Variants in PCF11 observed in about 807,000 individuals in gnomAD.
The protein encoded by PCF11 is pre-mRNA cleavage complex 2 protein Pcf11.
PCF11 carries 19 observed loss-of-function variants against 166.1 expected under a neutral mutation model. The observed-to-expected ratio is 0.11, with a 90% CI of 0.08 to 0.17. The LOEUF (loss-of-function observed/expected upper bound fraction) is 0.17, where lower values mean the gene tolerates loss of function less well. Among genes scored for constraint, PCF11 ranks in the 10% least tolerant of loss-of-function variants. The pLI, the probability that PCF11 is intolerant of heterozygous loss-of-function variation, is 1.00. For synonymous variants in PCF11, 663 were observed against 644.1 expected, an observed-to-expected ratio of 1.03 and a Z score of -0.44; for missense variants, 1,565 against 1,855.5, an observed-to-expected ratio of 0.84 and a Z score of 2.88.
At chr11:83,161,201 G>C (rs1029377291) in intron 1 of PCF11, 126 bp from the exon 2 acceptor site, 23 of 694,950 alleles carry the variant, frequency 3.3e-5, no homozygotes, top group Non-Finnish European at 4.8e-5. Context: ...GTTTCATAAA[G>C]ATTACTTCAA....
At chr11:83,157,804 T>TG (rs1161983281) in intron 1 of PCF11, 173 bp downstream of exon 1, 25 of 623,682 alleles carry the variant, frequency 4.0e-5, no homozygotes, top group African/African-American at 9.2e-5. Context: ...CATGGGCCTC[T>TG]GGGGGGGAGG....
chr11:83,175,536 G>A (rs1429061348), intron 9 of PCF11, among the ~76,000 whole-genome samples: 1 of 152,132 alleles, frequency 6.6e-6, no homozygotes, highest in Non-Finnish European at 1.5e-5. Flanking sequence ...GCAGATCATG[G>A]AGTCAGGAGA....
intron 9 of PCF11, among the ~76,000 whole-genome samples, chr11:83,176,801 C>T (rs1860899658): frequency 1.3e-5 from 2 of 150,554 alleles, no homozygotes; most frequent in Non-Finnish European, 3.0e-5. Flanking sequence ...CAAACCTGCA[C>T]GTTGTGCACA....
At chr11:83,164,743 A>G (rs1220405676) in intron 4 of PCF11, among the ~76,000 whole-genome samples, 1 of 151,642 alleles carries the variant, frequency 6.6e-6, no homozygotes, top group South Asian at 2.1e-4. Flanking sequence ...CAGGTGGGGT[A>G]GTGCATCCTT....
intron 9 of PCF11, among the ~76,000 whole-genome samples, chr11:83,172,329 G>A (rs1860717088): frequency 6.6e-6 from 1 of 152,170 alleles, no homozygotes; most frequent in South Asian, 2.1e-4. Context: ...GCAAAAAGCG[G>A]CTTTCCTAGC....
exon 5 of PCF11, chr11:83,166,315 G>A (rs1236830150): frequency 6.2e-7 from 1 of 1,613,692 alleles, no homozygotes; most frequent in Admixed American, 1.7e-5. Context: ...AAACCAGGGA[G>A]ATCGAGTACT....
In PCF11 at chr11:83,167,926, T is replaced by C; in HGVS notation, c.2092+421T>C. On this transcript the variant is annotated intron_variant, in intron 7 of 15. Transcript: ENST00000298281. The surrounding 1 kb of genome is among the most constrained non-coding windows in gnomAD (Gnocchi z 4.2). ...AGAAAAAGTTAAATCAGATTATGCC[T>C]ATTGAATCACACAGCAGTGAAGGGA... 7.8e-7 allele frequency: 1 copy of C among 1,276,562 alleles called. No individual in the cohort carries two copies. Among genetic ancestry groups the C allele is most frequent in the East Asian group, 5.5e-5 (1 of 18,218 alleles). The allele number at this position is 1,276,562 out of a possible 1,614,324, so 79.1% of individuals were successfully genotyped here. A position where few individuals can be genotyped will look rare whatever the true frequency, so the allele number is the denominator to read the frequency against.
chr11:83,169,022 G>A, exon 8 of PCF11: 1 of 1,613,788 alleles, frequency 6.2e-7, no homozygotes, highest in Non-Finnish European at 8.5e-7. Context: ...GGACCTCATG[G>A]TCAGCCTGTG....
chr11:83,183,071 A>T, exon 15 of PCF11: 1 of 1,475,954 alleles, frequency 6.8e-7, no homozygotes, highest in Non-Finnish European at 9.3e-7. Context: ...AGATTATCAA[A>T]ATGTAAGTTC....
intron 11 of PCF11, among the ~76,000 whole-genome samples, chr11:83,179,257 C>CTT (rs1276212490): frequency 6.8e-6 from 1 of 147,182 alleles, no homozygotes; most frequent in African/African-American, 2.5e-5. Flanking sequence ...CCTCTTTTTC[C>CTT]TTTTTTTTTT....
chr11:83,167,671 C>A lies in PCF11; in HGVS notation c.2092+166C>A. 6.6e-7 allele frequency: 1 copy of A among 1,524,284 alleles called. No homozygotes were observed. Among genetic ancestry groups the A allele is most frequent in the South Asian group, 1.2e-5 (1 of 83,108 alleles). 94.4% of individuals were successfully genotyped at this position (1,524,284 alleles called of 1,614,324 possible). On this transcript the variant is annotated intron_variant, in intron 7 of 15. Coordinates refer to ENST00000298281, the Ensembl canonical transcript of PCF11. The surrounding 1 kb of genome is among the most constrained non-coding windows in gnomAD (Gnocchi z 4.2). ...TTTCCAAGACTTGATCTCTTAGATC[C>A]TGATATTTTTGACTACCCTTTGACT...
intron 15 of PCF11, among the ~76,000 whole-genome samples, chr11:83,183,750 A>G (rs1009589745): frequency 2.2e-4 from 34 of 151,744 alleles, no homozygotes; most frequent in African/African-American, 7.7e-4. Flanking sequence ...TTGGCCTCCC[A>G]AAGTGCTAGG....
chr11:83,159,117 TCAA>T (rs1223418396), intron 1 of PCF11, among the ~76,000 whole-genome samples: 2 of 152,200 alleles, frequency 1.3e-5, no homozygotes, highest in Admixed American at 6.5e-5. Flanking sequence ...TTTAAGGACC[TCAA>T]CAAGTTTATC....
chr11:83,170,446 C>G (rs1043395282), intron 8 of PCF11, among the ~76,000 whole-genome samples: 4 of 152,144 alleles, frequency 2.6e-5, no homozygotes, highest in African/African-American at 9.7e-5. Context: ...CTTTCACAGT[C>G]TACAATTCTT....
intron 9 of PCF11, among the ~76,000 whole-genome samples, chr11:83,173,956 T>A (rs768384054): frequency 6.6e-6 from 1 of 152,064 alleles, no homozygotes; most frequent in Non-Finnish European, 1.5e-5. Context: ...GCTTGAATCC[T>A]GACCTCAGGT....
chr11:83,174,386 G>A (rs576535828), intron 9 of PCF11, among the ~76,000 whole-genome samples: 6 of 142,726 alleles, frequency 4.2e-5, no homozygotes, highest in Non-Finnish European at 9.2e-5. Context: ...TATTTTTAAA[G>A]TTTTTTTTTT....
At chr11:83,182,941 C>G in intron 14 of PCF11, 97 bp from the exon 15 acceptor site, 1 of 798,636 alleles carries the variant, frequency 1.3e-6, no homozygotes, top group East Asian at 2.8e-5. Context: ...TGTCTTCTTT[C>G]CAAAGACTAT....
chr11:83,163,957 G>T, intron 3 of PCF11, 90 bp downstream of exon 3: 1 of 604,200 alleles, frequency 1.7e-6, no homozygotes, highest in Non-Finnish European at 2.7e-6. Context: ...AGTCAAAATA[G>T]AATACTCGGT....
At position 83,182,013 on chromosome 11, in the gene PCF11, A is replaced by C; in HGVS notation, c.4323+4A>C. 6.3e-7 allele frequency: 1 copy of C among 1,593,934 alleles called. No individual in the cohort carries two copies. The highest frequency in any genetic ancestry group is 8.5e-7 in the Non-Finnish European group (1 of 1,173,436). The stretch of plus-strand genomic sequence containing the variant: ...TGGACCAGCTGGAGCAGTTGAGGTG[A>C]GAGAAGAACGTTTAAGTTTTCTCAC... On this transcript the variant is annotated splice_donor_region_variant and intron_variant, in intron 13 of 15. Transcript: ENST00000298281.
Sources: gnomAD v4.1 joint callset for allele counts (sites outside exome capture counted in the v4.1 genomes callset) on GRCh38, gnomAD v4.1.1 for gene constraint, Gnocchi (gnomAD v3.1) non-coding constraint, MANE v1.5 for transcripts, NCBI Gene and HGNC (gene_info 2026-07-23, HGNC 2026-07-21) for gene names.